ATOSA: variants seen among roughly 807,000 people sequenced by gnomAD.
ATOSA encodes atos homolog A, also known as atos homolog protein A.
the ATOSA span, among the ~76,000 whole-genome samples, chr15:52,607,628 T>C: frequency 2.6e-5 from 4 of 152,294 alleles, no homozygotes; most frequent in South Asian, 6.2e-4. Context: ...CTGTCCCATA[T>C]GGTGAAGTAT....
chr15:52,628,233 C>G, the ATOSA span, among the ~76,000 whole-genome samples: 39 of 152,230 alleles, frequency 2.6e-4, no homozygotes, highest in African/African-American at 8.9e-4. Flanking sequence ...AATATTCAGT[C>G]AATGATTTTA....
the ATOSA span, among the ~76,000 whole-genome samples, chr15:52,704,721 G>T: frequency 6.6e-6 from 1 of 152,176 alleles, no homozygotes; most frequent in Non-Finnish European, 1.5e-5. Context: ...GTTCTCAAAA[G>T]AAGACATTTA....
chr15:52,709,566 G>C, the ATOSA span, among the ~76,000 whole-genome samples: 1 of 152,128 alleles, frequency 6.6e-6, no homozygotes, highest in East Asian at 1.9e-4. Flanking sequence ...ACTGCACGCA[G>C]CTTCCACTTC....
the ATOSA span, chr15:52,601,057 AAC>A: frequency 2.1e-6 from 3 of 1,396,446 alleles, no homozygotes; most frequent in Non-Finnish European, 2.9e-6. Flanking sequence ...TTCTGTTTGA[AAC>A]ACACAAATGA....
chr15:52,650,883 T>C, the ATOSA span, among the ~76,000 whole-genome samples: 17 of 152,210 alleles, frequency 1.1e-4, no homozygotes, highest in Admixed American at 4.6e-4. Flanking sequence ...TCTGCTTTAA[T>C]TAAAAGAACC....
At chr15:52,587,094 A>G in the ATOSA span, 2 of 1,604,066 alleles carry the variant, frequency 1.2e-6, no homozygotes, top group Non-Finnish European at 1.7e-6. Context: ...GAAAGGGCTA[A>G]GTTCTATATG....
At chr15:52,613,577 G>T in the ATOSA span, 2 of 1,304,534 alleles carry the variant, frequency 1.5e-6, no homozygotes, top group Non-Finnish European at 2.1e-6. Flanking sequence ...ATTTTACATT[G>T]AAATATGACA....
the ATOSA span, among the ~76,000 whole-genome samples, chr15:52,653,645 C>T: frequency 6.6e-6 from 1 of 152,146 alleles, no homozygotes; most frequent in Non-Finnish European, 1.5e-5. Flanking sequence ...ATTATTATAC[C>T]ATTATGAGCT....
chr15:52,623,321 C>T, the ATOSA span, among the ~76,000 whole-genome samples: 7 of 152,006 alleles, frequency 4.6e-5, no homozygotes, highest in African/African-American at 1.7e-4. Flanking sequence ...AAAATGATCA[C>T]CCTGGCTGCT....
the ATOSA span, among the ~76,000 whole-genome samples, chr15:52,653,239 TA>T: frequency 6.6e-6 from 1 of 152,094 alleles, no homozygotes; most frequent in Non-Finnish European, 1.5e-5. Flanking sequence ...TTGGAGTTAC[TA>T]AAGTGCCCCA....
the ATOSA span, among the ~76,000 whole-genome samples, chr15:52,653,000 T>G: frequency 6.6e-6 from 1 of 152,152 alleles, no homozygotes; most frequent in Non-Finnish European, 1.5e-5. Flanking sequence ...TAGAAATATT[T>G]CCCCTGAACG....
At chr15:52,688,658 A>G in the ATOSA span, among the ~76,000 whole-genome samples, 1 of 152,188 alleles carries the variant, frequency 6.6e-6, no homozygotes, top group Admixed American at 6.5e-5. Flanking sequence ...AGACAGAAAA[A>G]GATTCTGCTC....
At chr15:52,604,947 T>C in the ATOSA span, among the ~76,000 whole-genome samples, 8 of 152,354 alleles carry the variant, frequency 5.3e-5, no homozygotes, top group South Asian at 1.4e-3. Context: ...TTCATTTTTA[T>C]TCACATTTTT....
the ATOSA span, chr15:52,611,761 C>A: frequency 6.2e-7 from 1 of 1,613,860 alleles, no homozygotes; most frequent in South Asian, 1.1e-5. Flanking sequence ...AGACCTAGTT[C>A]GTCTGGCTTG....
chr15:52,695,273 A>C, the ATOSA span, among the ~76,000 whole-genome samples: 1 of 152,190 alleles, frequency 6.6e-6, no homozygotes, highest in African/African-American at 2.4e-5. Flanking sequence ...CTCAGGCTAA[A>C]GTACTCTCTG....
chr15:52,685,470 G>C, the ATOSA span, among the ~76,000 whole-genome samples: 5 of 151,616 alleles, frequency 3.3e-5, no homozygotes, highest in Admixed American at 3.3e-4. Context: ...GTCTTGCTCT[G>C]TTGCCTAGGC....
chr15:52,677,725 T>C, the ATOSA span, among the ~76,000 whole-genome samples: 5 of 152,348 alleles, frequency 3.3e-5, no homozygotes, highest in African/African-American at 1.2e-4. Flanking sequence ...ATGATACCTG[T>C]ATTGTGGCAA....
the ATOSA span, among the ~76,000 whole-genome samples, chr15:52,637,188 G>T: frequency 6.6e-6 from 1 of 152,040 alleles, no homozygotes; most frequent in Non-Finnish European, 1.5e-5. Context: ...GGCTTTAATT[G>T]TTATGATGAT....
chr15:52,630,230 C>G, the ATOSA span, among the ~76,000 whole-genome samples: 2 of 152,098 alleles, frequency 1.3e-5, no homozygotes, highest in Non-Finnish European at 2.9e-5. Flanking sequence ...CTTTGTTTCC[C>G]AAGTTGGTTG....
Sources: allele counts gnomAD v4.1 joint callset (sites outside exome capture counted in the v4.1 genomes callset), GRCh38; gene constraint gnomAD v4.1.1; transcripts MANE v1.5; gene names NCBI Gene and HGNC (gene_info 2026-07-23, HGNC 2026-07-21).